APOD: variants seen among roughly 807,000 people sequenced by gnomAD.
The protein encoded by APOD is apo-D.
APOD carries 22 observed loss-of-function variants against 20.4 expected under a neutral mutation model. That is an observed-to-expected ratio of 1.08 (90% CI 0.77 to 1.54). APOD has a LOEUF of 1.54. APOD is among the 40% of genes most tolerant of loss of function. The pLI, the probability that APOD is intolerant of heterozygous loss-of-function variation, is 0.00. For synonymous variants in APOD, 97 were observed against 92.4 expected (o/e 1.05, Z -0.29); for missense variants, 223 against 229.6 (o/e 0.97, Z 0.19).
intron 4 of APOD, 155 bp downstream of exon 4, chr3:195,571,122 A>G (rs1720151194): frequency 2.8e-6 from 2 of 710,774 alleles, no homozygotes; most frequent in Admixed American, 2.1e-5. Context: ...TGGCAACCCT[A>G]GTGCGTGACA....
rs1720382699 is a variant in APOD, at chr3:195,583,907, GATGCAGA to G, written c.-71_-65del. 6.6e-6 allele frequency: 1 copy of G among 152,140 alleles called. No homozygotes were observed. The highest frequency in any genetic ancestry group is 2.1e-4 in the South Asian group (1 of 4,832). The allele number at this position is 152,140 out of a possible 1,614,324, so 9.4% of individuals were successfully genotyped here. A position where few individuals can be genotyped will look rare whatever the true frequency, so the allele number is the denominator to read the frequency against. On this transcript the variant is annotated 5_prime_UTR_variant, in exon 1 of 5. Coordinates refer to ENST00000343267, the MANE Select transcript of APOD (RefSeq NM_001647.4). ...TCTTTCAAGATGAAGGCAGTTTCCA[GATGCAGA>G]ATCAGCCGATTTGAGATGCCTGTCT... is the stretch of plus-strand genomic sequence containing the variant.
intron 4 of APOD, 146 bp downstream of exon 4, chr3:195,571,131 C>T: frequency 1.3e-6 from 1 of 756,394 alleles, no homozygotes; most frequent in South Asian, 1.5e-5. Context: ...TAGTGCGTGA[C>T]ATGTAGTAAG....
At chr3:195,579,629 C>T (rs1720302329) in intron 1 of APOD, 134 bp from the exon 2 acceptor site, 1 of 930,044 alleles carries the variant, frequency 1.1e-6, no homozygotes, top group Non-Finnish European at 1.6e-6. Flanking sequence ...CATGTGAACC[C>T]TCATCCTGCA....
chr3:195,573,221 T>C (rs1720195590), intron 3 of APOD, among the ~76,000 whole-genome samples: 1 of 152,238 alleles, frequency 6.6e-6, no homozygotes, highest in South Asian at 2.1e-4. Flanking sequence ...GCATTTGTAT[T>C]TTCAAGAGTG....
At chr3:195,574,895 GTATC>G (rs973232784) in intron 2 of APOD, among the ~76,000 whole-genome samples, 3 of 152,306 alleles carry the variant, frequency 2.0e-5, no homozygotes, top group South Asian at 2.1e-4. Context: ...ACAAAATAGT[GTATC>G]TATTAAGGCA....
intron 4 of APOD, chr3:195,571,015 C>A (rs188627522): frequency 2.0e-6 from 1 of 508,506 alleles, no homozygotes; most frequent in Non-Finnish European, 3.6e-6. Context: ...CCTGTTGAAA[C>A]GCTAGCTAGT....
At chr3:195,580,615 T>G (rs988033510) in intron 1 of APOD, among the ~76,000 whole-genome samples, 5 of 152,092 alleles carry the variant, frequency 3.3e-5, no homozygotes, top group Admixed American at 3.3e-4. Context: ...ATGTTGGCCA[T>G]GCTGGTCTCA....
At chr3:195,576,391 CTCTA>C (rs1401182928) in intron 2 of APOD, among the ~76,000 whole-genome samples, 1 of 152,212 alleles carries the variant, frequency 6.6e-6, no homozygotes, top group Non-Finnish European at 1.5e-5. Flanking sequence ...AGAGGTAAAA[CTCTA>C]TCTGTTTGCA....
intron 2 of APOD, 68 bp from the exon 3 acceptor site, chr3:195,574,039 C>T (rs1720211093): frequency 1.4e-5 from 22 of 1,587,044 alleles, no homozygotes; most frequent in Non-Finnish European, 1.7e-5. Flanking sequence ...TCCCCATTGT[C>T]GTGCAGACGC....
chr3:195,579,736 T>C (rs56317624), intron 1 of APOD, among the ~76,000 whole-genome samples: 2,966 of 152,264 alleles, frequency 0.019, 70 homozygotes, highest in African/African-American at 0.06. Flanking sequence ...GTTTGTTGGA[T>C]TGATTTTCAC....
intron 2 of APOD, chr3:195,577,096 A>G: frequency 3.2e-6 from 1 of 310,196 alleles, no homozygotes. Context: ...CTGAGGCAGG[A>G]GAATTGCTTG....
In APOD at chr3:195,568,837, G is replaced by GC; in HGVS notation, c.*62_*63insG. On this transcript the variant is annotated 3_prime_UTR_variant, in exon 5 of 5. Coordinates refer to ENST00000343267, the MANE Select transcript of APOD (RefSeq NM_001647.4). ...GTTGATTGGTTTGTCTTTATGGGGG[G>GC]GGGGTAGGGGAAAGCGAAGCAGAAG... 3.1e-6 allele frequency: 3 copies of GC among 975,810 alleles called. No individual in the cohort carries two copies. Among genetic ancestry groups the GC allele is most frequent in the Non-Finnish European group, 4.7e-6 (3 of 644,252 alleles). 60.4% of individuals were successfully genotyped at this position (975,810 alleles called of 1,614,324 possible).
intron 1 of APOD, among the ~76,000 whole-genome samples, chr3:195,580,499 G>A (rs1349168477): frequency 6.6e-6 from 1 of 151,848 alleles, no homozygotes; most frequent in African/African-American, 2.4e-5. Flanking sequence ...CTGTCTCCCG[G>A]GTTCAAGTGA....
intron 2 of APOD, 144 bp from the exon 3 acceptor site, chr3:195,574,115 G>A (rs1233276128): frequency 1.8e-6 from 2 of 1,133,806 alleles, no homozygotes; most frequent in Admixed American, 2.7e-5. Flanking sequence ...CTGGGCAAGA[G>A]ATTGATTGCA....
At chr3:195,574,094 C>A in intron 2 of APOD, 123 bp from the exon 3 acceptor site, 2 of 1,348,998 alleles carry the variant, frequency 1.5e-6, no homozygotes, top group East Asian at 4.9e-5. Context: ...CCTCATTGTT[C>A]CCAGTGGCAA....
At chr3:195,570,982 G>C (rs777747724) in intron 4 of APOD, 3 of 432,442 alleles carry the variant, frequency 6.9e-6, no homozygotes, top group Non-Finnish European at 4.3e-6. Flanking sequence ...GCCCACACCC[G>C]GTGTGCACCT....
At chr3:195,569,785 C>CTTTTT (rs1560457392) in intron 4 of APOD, among the ~76,000 whole-genome samples, 12 of 86,886 alleles carry the variant, frequency 1.4e-4, no homozygotes, top group African/African-American at 5.7e-4. Flanking sequence ...TCTTCTTCTT[C>CTTTTT]GTTTTTTTTT....
intron 1 of APOD, among the ~76,000 whole-genome samples, chr3:195,579,841 T>C (rs1577606474): frequency 6.6e-6 from 1 of 152,186 alleles, no homozygotes; most frequent in Non-Finnish European, 1.5e-5. Context: ...GCTCAGTAGA[T>C]ACTTGTCAAA....
Position 195,579,442 on chromosome 3 carries a change from A to G in APOD, c.20T>C (p.Leu7Pro), listed in dbSNP as rs1279930707. The G allele has an allele frequency of 1.2e-6, 2 of 1,613,670 alleles. No homozygotes were observed. The highest frequency in any genetic ancestry group is 8.5e-7 in the Non-Finnish European group (1 of 1,180,020). ...GAAGAGGCCAGCCAGTGCGGAAAGC[A>G]GCAGCAGCAGCATCACCATCTTGGG... MVMLLL[L>P]LSALAGLFGA... is the part of the protein sequence containing the mutation. The change falls in exon 2 of 5, where the codon CTG (leucine) becomes CCG (proline). Residue 7 changes from leucine to proline, a missense_variant. Coordinates refer to ENST00000343267, the MANE Select transcript of APOD (RefSeq NM_001647.4).
Sources: gnomAD v4.1 joint callset for allele counts (sites outside exome capture counted in the v4.1 genomes callset) on GRCh38, gnomAD v4.1.1 for gene constraint, MANE v1.5 for transcripts, NCBI Gene and HGNC (gene_info 2026-07-23, HGNC 2026-07-21) for gene names.